PRRC2C: variants seen among roughly 807,000 people sequenced by gnomAD.
PRRC2C encodes the protein proline rich coiled-coil 2C.
In PRRC2C, 72 loss-of-function variants were observed where a neutral mutation model predicts 317.2. The ratio of observed to expected loss-of-function variants is 0.23; its 90% CI spans 0.19 to 0.28. PRRC2C has a LOEUF of 0.28. Among genes scored for constraint, PRRC2C ranks in the 10% least tolerant of loss-of-function variants. The pLI, the probability that PRRC2C is intolerant of heterozygous loss-of-function variation, is 1.00. For synonymous variants in PRRC2C, 1,296 were observed against 1,205.9 expected, an observed-to-expected ratio of 1.07 and a Z score of -1.55; for missense variants, 3,074 against 3,459.7, an observed-to-expected ratio of 0.89 and a Z score of 2.80.
intron 20 of PRRC2C, 66 bp downstream of exon 20, chr1:171,561,169 G>A: frequency 7.0e-7 from 1 of 1,428,020 alleles, no homozygotes; most frequent in South Asian, 1.1e-5. Context: ...GTGGCCGGGT[G>A]TGGTGGCTTA....
At position 171,536,240 on chromosome 1, in the gene PRRC2C, C is replaced by T; in HGVS notation, c.2255C>T (p.Ser752Leu). The T allele has an allele frequency of 1.9e-6, 3 of 1,613,772 alleles. No individual in the cohort carries two copies. The highest frequency in any genetic ancestry group is 2.5e-6 in the Non-Finnish European group (3 of 1,179,800). ...MQSYMDPRMM[S>L]GRPAMDIPPI... ...TCCTACATGGATCCTCGAATGATGT[C>T]AGGAAGACCTGCTATGGATATTCCA... Residue 752 changes from serine (S) to leucine (L), a missense_variant, in exon 14 of 35, where the codon TCA (serine) becomes TTA (leucine). Ser to Leu is a moderately radical substitution (Grantham distance 145). Transcript: ENST00000647382.
At chr1:171,506,209 A>C (rs1670177715) in intron 1 of PRRC2C, among the ~76,000 whole-genome samples, 1 of 152,058 alleles carries the variant, frequency 6.6e-6, no homozygotes, top group Admixed American at 6.5e-5. Flanking sequence ...TTTTGCCTTT[A>C]TTTTTGGAAG....
At chr1:171,589,063 A>G (rs1360418003) in intron 33 of PRRC2C, among the ~76,000 whole-genome samples, 2 of 152,196 alleles carry the variant, frequency 1.3e-5, no homozygotes, top group African/African-American at 4.8e-5. Flanking sequence ...CTTTTCTGCA[A>G]CTACCTTTTG....
intron 18 of PRRC2C, among the ~76,000 whole-genome samples, chr1:171,552,542 G>T (rs1366027587): frequency 1.3e-5 from 2 of 152,166 alleles, no homozygotes; most frequent in Non-Finnish European, 2.9e-5. Context: ...TCTTGTGCCA[G>T]TTTTCAAAGA....
intron 15 of PRRC2C, 23 bp from the exon 16 acceptor site, chr1:171,539,948 C>T (rs780053615): frequency 1.9e-6 from 3 of 1,559,150 alleles, no homozygotes; most frequent in East Asian, 2.2e-5. Context: ...GTTGATTATA[C>T]CTTTGAATTC....
Position 171,587,233 on chromosome 1 carries a change from G to A in PRRC2C, c.7968+12G>A, listed in dbSNP as rs376082866. On this transcript the variant is annotated intron_variant, in intron 31 of 34. Coordinates refer to ENST00000647382, the MANE Select transcript of PRRC2C (RefSeq NM_001387844.1). The stretch of plus-strand genomic sequence containing the variant: ...CAACCACAGGAAAAGTAAGTAAAGA[G>A]ACATTTGCACAGGTTATTTGAGAAT... 1.0e-5 allele frequency: 16 copies of A among 1,575,694 alleles called. No individual in the cohort carries two copies. The highest frequency in any genetic ancestry group is 1.4e-5 in the Non-Finnish European group (16 of 1,157,632).
chr1:171,591,529 A>G, intron 34 of PRRC2C, 58 bp from the exon 35 acceptor site: 2 of 1,573,814 alleles, frequency 1.3e-6, no homozygotes, highest in South Asian at 2.3e-5. Flanking sequence ...ACCAAGATTG[A>G]TTTGACAGGC....
intron 9 of PRRC2C, 107 bp from the exon 10 acceptor site, chr1:171,524,714 T>TC (rs200058417): frequency 4.5e-4 from 524 of 1,154,272 alleles, no homozygotes; most frequent in Admixed American, 1.2e-3. Flanking sequence ...TTAATACATT[T>TC]CCCCCCCCAG....
chr1:171,491,333 A>G (rs1404348043), intron 1 of PRRC2C, among the ~76,000 whole-genome samples: 1 of 152,198 alleles, frequency 6.6e-6, no homozygotes, highest in Admixed American at 6.5e-5. Context: ...TATACTGCCC[A>G]AAGATGCTGG....
chr1:171,583,491 CCTT>C (rs1383009704), intron 28 of PRRC2C, among the ~76,000 whole-genome samples: 2 of 152,066 alleles, frequency 1.3e-5, no homozygotes, highest in Admixed American at 6.6e-5. Flanking sequence ...GATAACAATG[CCTT>C]CTTCTGGAAT....
intron 15 of PRRC2C, among the ~76,000 whole-genome samples, chr1:171,539,120 G>C (rs111381039): frequency 6.6e-6 from 1 of 152,014 alleles, no homozygotes. Context: ...TCCTGCCTCA[G>C]CCTCCCTAGT....
chr1:171,526,698 CAT>C (rs1234227705), intron 10 of PRRC2C, among the ~76,000 whole-genome samples: 1 of 150,778 alleles, frequency 6.6e-6, no homozygotes, highest in African/African-American at 2.4e-5. Flanking sequence ...AGAGTGATTG[CAT>C]AAAAGTAATC....
At chr1:171,576,571 T>C (rs538348509) in intron 25 of PRRC2C, among the ~76,000 whole-genome samples, 1 of 152,290 alleles carries the variant, frequency 6.6e-6, no homozygotes, top group South Asian at 2.1e-4. Flanking sequence ...AACACCTAAG[T>C]TTTATAATTC....
At chr1:171,588,637 C>A in intron 33 of PRRC2C, 132 bp downstream of exon 33, 1 of 1,016,672 alleles carries the variant, frequency 9.8e-7, no homozygotes, top group Non-Finnish European at 1.4e-6. Context: ...CTGAATTTAA[C>A]AATAAATTTA....
At chr1:171,532,239 G>T (rs986420936) in intron 11 of PRRC2C, 104 bp from the exon 12 acceptor site, 2 of 1,215,894 alleles carry the variant, frequency 1.6e-6, no homozygotes, top group East Asian at 2.6e-5. Flanking sequence ...GTTCATCAGA[G>T]AAATTTCTGA....
chr1:171,557,970 C>G lies in PRRC2C; in HGVS notation c.5858C>G (p.Ser1953Ter). ...CCACTACAGACTACATCTCAGTCTT[C>G]AAAACAACCACCACCATCAATTAGG... ...QNPLQTTSQS[S>*]KQPPPSIRLP... Residue 1953 changes from serine to a stop codon, truncating the protein, a stop_gained, in exon 19 of 35, where the codon TCA (serine) becomes TGA (stop). Transcript: ENST00000647382. LOFTEE classifies it high-confidence loss of function. 1 of 1,612,792 alleles carries G rather than the reference C, an allele frequency of 6.2e-7. No individual in the cohort carries two copies. The highest frequency in any genetic ancestry group is 8.5e-7 in the Non-Finnish European group (1 of 1,179,460).
intron 28 of PRRC2C, among the ~76,000 whole-genome samples, chr1:171,581,804 C>G (rs915759664): frequency 1.3e-5 from 2 of 152,104 alleles, no homozygotes; most frequent in Non-Finnish European, 2.9e-5. Context: ...GGCTTTTGTT[C>G]CTGCCACATA....
chr1:171,550,082 A>G lies in PRRC2C; in HGVS notation c.4973-4A>G. On this transcript the variant is annotated splice_polypyrimidine_tract_variant and splice_region_variant and intron_variant, in intron 17 of 34. Transcript: ENST00000647382. ...ATATCTTAAATCCTTTCCCACACCCACAGGTGTTGTTATAATTGATGATCA... is the reference window on the plus strand; with the variant it reads ...ATATCTTAAATCCTTTCCCACACCCGCAGGTGTTGTTATAATTGATGATCA... The G allele has an allele frequency of 6.3e-7, 1 of 1,585,756 alleles. No homozygotes were observed. Among genetic ancestry groups the G allele is most frequent in the East Asian group, 2.2e-5 (1 of 44,576 alleles).
chr1:171,527,410 C>T (rs900098732), intron 10 of PRRC2C, among the ~76,000 whole-genome samples: 1 of 152,002 alleles, frequency 6.6e-6, no homozygotes, highest in Admixed American at 6.6e-5. Context: ...TGGGATTACA[C>T]GTGTGAATCA....
Sources: gnomAD v4.1 joint callset for allele counts (sites outside exome capture counted in the v4.1 genomes callset) on GRCh38, gnomAD v4.1.1 for gene constraint, MANE v1.5 for transcripts, NCBI Gene and HGNC (gene_info 2026-07-23, HGNC 2026-07-21) for gene names.